SORCS2: variants seen among roughly 807,000 people sequenced by gnomAD.
SORCS2 encodes VPS10 domain-containing receptor SorCS2.
In SORCS2, 100 loss-of-function variants were observed where a neutral mutation model predicts 141.6. That is an observed-to-expected ratio of 0.71 (90% confidence interval 0.60 to 0.83). The LOEUF (loss-of-function observed/expected upper bound fraction) is 0.83, where lower values mean the gene tolerates loss of function less well. Among genes scored for constraint, SORCS2 ranks in the 40% least tolerant of loss-of-function variants. The pLI, the probability that SORCS2 is intolerant of heterozygous loss-of-function variation, is 0.00. For synonymous variants in SORCS2, 789 were observed against 676.9 expected (o/e 1.17, Z -2.57); for missense variants, 1,646 against 1,560.2 (o/e 1.05, Z -0.93).
chr4:7,628,619 G>T lies in SORCS2; in HGVS notation c.649-9709G>T, dbSNP rs1184085585. Among the ~76,000 whole-genome samples, 3 of 152,256 alleles carry T rather than the reference G, an allele frequency of 2.0e-5. No individual in the cohort carries two copies. The East Asian group carries it at 5.8e-4, about 29-fold the overall frequency. ...TGAGCACCGACTACATGCCAGGTAG[G>T]GCTTGGGATCTAGCAGTGAACAAGG... On this transcript the variant is annotated intron_variant, in intron 3 of 26. Coordinates refer to ENST00000507866, the MANE Select transcript of SORCS2 (RefSeq NM_020777.3).
At chr4:7,362,968 C>G (rs1721676137) in intron 1 of SORCS2, among the ~76,000 whole-genome samples, 1 of 146,242 alleles carries the variant, frequency 6.8e-6, no homozygotes, top group African/African-American at 2.5e-5. Flanking sequence ...ATCATTACTG[C>G]AATCATCACC....
At chr4:7,635,444 T>C (rs748013891) in intron 3 of SORCS2, among the ~76,000 whole-genome samples, 1 of 152,156 alleles carries the variant, frequency 6.6e-6, no homozygotes, top group Non-Finnish European at 1.5e-5. Context: ...GACCAATCAC[T>C]CTTACGTCCC....
chr4:7,734,208 G>A, intron 24 of SORCS2, 64 bp from the exon 25 acceptor site: 4 of 1,258,542 alleles, frequency 3.2e-6, no homozygotes, highest in East Asian at 2.6e-5. Flanking sequence ...GACGGGATGG[G>A]CTGGGGATGG....
intron 10 of SORCS2, among the ~76,000 whole-genome samples, chr4:7,688,630 C>T (rs138620457): frequency 9.2e-5 from 14 of 152,300 alleles, no homozygotes; most frequent in Admixed American, 2.0e-4. Context: ...AGAGGAGGTA[C>T]GAGGAGTCCA....
In SORCS2 at chr4:7,663,021, A is replaced by G. The variant is rs551530879; in HGVS notation, c.953-1332A>G. On this transcript the variant is annotated intron_variant, in intron 6 of 26. Coordinates refer to ENST00000507866, the MANE Select transcript of SORCS2 (RefSeq NM_020777.3). The surrounding 1 kb of genome is among the most constrained non-coding windows in gnomAD (Gnocchi z 4.8). Reference sequence around the variant, plus strand: ...GAGTGAGTGGATGAGTGAGTGGGTGAATGAGTGAATAGGTGTGTGAGTGAA... The same window carrying G: ...GAGTGAGTGGATGAGTGAGTGGGTGGATGAGTGAATAGGTGTGTGAGTGAA... Among the ~76,000 whole-genome samples, 83 of 151,822 alleles carry G rather than the reference A, an allele frequency of 5.5e-4. No homozygotes were observed. Among genetic ancestry groups the G allele is most frequent in the African/African-American group, 1.7e-3 (70 of 41,380 alleles).
chr4:7,434,313 C>T, intron 2 of SORCS2: 1 of 1,611,568 alleles, frequency 6.2e-7, no homozygotes. Flanking sequence ...GGGAGACCTG[C>T]CGTACACAGT....
intron 3 of SORCS2, among the ~76,000 whole-genome samples, chr4:7,589,336 G>A (rs1716756190): frequency 6.6e-6 from 1 of 152,222 alleles, no homozygotes; most frequent in Non-Finnish European, 1.5e-5. Context: ...GATACCAACA[G>A]CAGCAGTAGT....
intron 3 of SORCS2, among the ~76,000 whole-genome samples, chr4:7,625,905 A>T (rs1719487686): frequency 6.6e-6 from 1 of 152,082 alleles, no homozygotes; most frequent in African/African-American, 2.4e-5. Context: ...GTGTAAGGCC[A>T]AGGCAGGCGG....
intron 1 of SORCS2, among the ~76,000 whole-genome samples, chr4:7,248,472 T>C (rs1442510019): frequency 2.0e-5 from 3 of 152,188 alleles, no homozygotes; most frequent in Admixed American, 2.0e-4. Flanking sequence ...TGATGACCTT[T>C]CCGTGCCAGT....
chr4:7,390,377 G>A (rs955969190), intron 1 of SORCS2, among the ~76,000 whole-genome samples: 2 of 152,192 alleles, frequency 1.3e-5, no homozygotes, highest in African/African-American at 4.8e-5. Flanking sequence ...AGTGTCCTAA[G>A]TTGGAGGTGC....
At chr4:7,404,864 G>T (rs1048183775) in intron 2 of SORCS2, among the ~76,000 whole-genome samples, 5 of 151,912 alleles carry the variant, frequency 3.3e-5, no homozygotes, top group African/African-American at 1.2e-4. Flanking sequence ...TTTAATTAAG[G>T]CCTGTTTGCC....
At chr4:7,306,018 C>A (rs1717801098) in intron 1 of SORCS2, among the ~76,000 whole-genome samples, 1 of 152,182 alleles carries the variant, frequency 6.6e-6, no homozygotes, top group Non-Finnish European at 1.5e-5. Context: ...ATGTGGTGTC[C>A]CCCTGCCTGC....
intron 2 of SORCS2, among the ~76,000 whole-genome samples, chr4:7,524,489 C>T (rs1733537832): frequency 6.6e-6 from 1 of 152,156 alleles, no homozygotes; most frequent in African/African-American, 2.4e-5. Flanking sequence ...CTGCCCTCCC[C>T]AGCGCCCCTC....
chr4:7,557,385 C>T lies in SORCS2; in HGVS notation c.648+25756C>T, dbSNP rs190179514. On this transcript the variant is annotated intron_variant, in intron 3 of 26. Coordinates refer to ENST00000507866, the MANE Select transcript of SORCS2 (RefSeq NM_020777.3). The stretch of plus-strand genomic sequence containing the variant: ...CTGTAAATTGGGGTTGGTGACACTG[C>T]TCTGGCATTTGATTATTGTGAGATC... Among the ~76,000 whole-genome samples the T allele has an allele frequency of 3.5e-3, 533 of 152,250 alleles. 1 individual carries two copies. The highest frequency in any genetic ancestry group is 5.8e-3 in the Admixed American group (88 of 15,296).
chr4:7,576,710 G>A (rs1213624340), intron 3 of SORCS2, among the ~76,000 whole-genome samples: 2 of 152,178 alleles, frequency 1.3e-5, no homozygotes, highest in Non-Finnish European at 2.9e-5. Flanking sequence ...AGCTACTGTG[G>A]GCGGGGAGGT....
At chr4:7,259,883 G>A (rs774072611) in intron 1 of SORCS2, among the ~76,000 whole-genome samples, 2 of 152,230 alleles carry the variant, frequency 1.3e-5, no homozygotes, top group African/African-American at 4.8e-5. Context: ...TGGAGCTGAC[G>A]CCAAAGCCTG....
At chr4:7,403,997 A>ATATATATATATTTTTTT (rs1265288820) in intron 2 of SORCS2, among the ~76,000 whole-genome samples, 1 of 19,006 alleles carries the variant, frequency 5.3e-5, no homozygotes, top group Non-Finnish European at 1.2e-4. Flanking sequence ...ATATATATAT[A>ATATATATATATTTTTTT]TTTTTTTTTT....
intron 3 of SORCS2, among the ~76,000 whole-genome samples, chr4:7,543,798 A>G (rs1282798062): frequency 1.3e-5 from 1 of 76,090 alleles, no homozygotes; most frequent in Admixed American, 1.3e-4. Context: ...CCATCCATCC[A>G]TCCATCCATC....
At chr4:7,451,704 G>C (rs1728474732) in intron 2 of SORCS2, among the ~76,000 whole-genome samples, 1 of 151,236 alleles carries the variant, frequency 6.6e-6, no homozygotes, top group African/African-American at 2.5e-5. Flanking sequence ...CCACTGGGGT[G>C]GTGGGGGGGC....
Sources: allele counts gnomAD v4.1 joint callset (sites outside exome capture counted in the v4.1 genomes callset), GRCh38; gene constraint gnomAD v4.1.1; non-coding constraint Gnocchi (gnomAD v3.1); transcripts MANE v1.5; gene names NCBI Gene and HGNC (gene_info 2026-07-23, HGNC 2026-07-21).